The following FAM117B variants were observed in gnomAD, a reference collection of about 807,000 sequenced individuals.
FAM117B encodes the protein family with sequence similarity 117 member B.
FAM117B carries 22 observed loss-of-function variants against 52.8 expected under a neutral mutation model. The ratio of observed to expected loss-of-function variants is 0.42; its 90% confidence interval spans 0.30 to 0.59. FAM117B has a LOEUF of 0.59. Among genes scored for constraint, FAM117B ranks in the 20% least tolerant of loss-of-function variants. The pLI is 0.22. For synonymous variants in FAM117B, 309 were observed against 324.1 expected (o/e 0.95, Z 0.50); for missense variants, 678 against 802.6 (o/e 0.84, Z 1.88).
chr2:202,651,351 G>A (rs747979968), intron 1 of FAM117B, among the ~76,000 whole-genome samples: 51 of 148,300 alleles, frequency 3.4e-4, no homozygotes, highest in Non-Finnish European at 4.2e-4. Context: ...GTGAGCCACC[G>A]CTCCGGGCCC....
intron 1 of FAM117B, among the ~76,000 whole-genome samples, chr2:202,684,014 A>G (rs927926350): frequency 6.6e-6 from 1 of 151,968 alleles, no homozygotes; most frequent in Non-Finnish European, 1.5e-5. Context: ...TCACAGGCAC[A>G]CGCTACCACA....
At chr2:202,762,147 A>G (rs933808098) in intron 7 of FAM117B, among the ~76,000 whole-genome samples, 2 of 152,206 alleles carry the variant, frequency 1.3e-5, no homozygotes, top group South Asian at 2.1e-4. Flanking sequence ...GTTGGTCCCA[A>G]TGTAACATTT....
At chr2:202,748,504 G>A (rs1691669931) in intron 4 of FAM117B, among the ~76,000 whole-genome samples, 1 of 151,978 alleles carries the variant, frequency 6.6e-6, no homozygotes, top group Non-Finnish European at 1.5e-5. Context: ...TTGAATGGAG[G>A]AAAATATTTG....
At chr2:202,657,096 TA>T (rs1364933711) in intron 1 of FAM117B, among the ~76,000 whole-genome samples, 1 of 152,176 alleles carries the variant, frequency 6.6e-6, no homozygotes, top group African/African-American at 2.4e-5. Flanking sequence ...TTATTTTATT[TA>T]TTTTTTTTGA....
intron 1 of FAM117B, among the ~76,000 whole-genome samples, chr2:202,663,004 ATTT>A (rs1690153328): frequency 6.6e-6 from 1 of 152,342 alleles, no homozygotes; most frequent in Admixed American, 6.5e-5. Context: ...AGAAATAACT[ATTT>A]TTAGCTTCAG....
At chr2:202,697,535 T>A (rs560379936) in intron 2 of FAM117B, among the ~76,000 whole-genome samples, 33 of 148,776 alleles carry the variant, frequency 2.2e-4, no homozygotes, top group African/African-American at 8.1e-4. Flanking sequence ...TTTTTGAAGA[T>A]TTTTTTTTTC....
rs1387979231 is a variant in FAM117B, at chr2:202,714,537, T to C, written c.754-10380T>C. Among the ~76,000 whole-genome samples the C allele has an allele frequency of 2.8e-4, 41 of 145,992 alleles. No individual in the cohort carries two copies. In the South Asian group the frequency reaches 4.8e-3, roughly 17 times the overall value. On this transcript the variant is annotated intron_variant, in intron 2 of 7. Coordinates refer to ENST00000392238, the MANE Select transcript of FAM117B (RefSeq NM_173511.4). ...GTTGTTATATCTTTTTTTTTTCTTT[T>C]TTTTTTTTTTTTTATTGATCATTCT...
intron 1 of FAM117B, among the ~76,000 whole-genome samples, chr2:202,651,910 G>A (rs1032781488): frequency 5.9e-5 from 9 of 151,740 alleles, no homozygotes; most frequent in Admixed American, 1.3e-4. Context: ...AAAATTAGCC[G>A]GGCGTGGTGA....
chr2:202,635,441 C>G lies in FAM117B; in HGVS notation c.254C>G (p.Pro85Arg). ...GCAGGCGGCGGCGGCGGCGGTGGCC[C>G]GCGCACCGCCTCGCGCAGCACCAGC... Reference protein sequence around the residue: ...GPAGGGGGGGPRTASRSTSPT... With the variant: ...GPAGGGGGGGRRTASRSTSPT... Residue 85 changes from proline (P) to arginine (R), a missense_variant, in exon 1 of 8, where the codon CCG becomes CGG. Around this residue, in one of 3 missense-constraint regions of FAM117B, gnomAD observed 583 missense variants for 644.8 expected, o/e 0.90. Transcript: ENST00000392238. 1.7e-6 allele frequency: 2 copies of G among 1,201,214 alleles called. No individual in the cohort carries two copies. The highest frequency in any genetic ancestry group is 2.1e-6 in the Non-Finnish European group (2 of 972,844). The allele number at this position is 1,201,214 out of a possible 1,614,324, so 74.4% of individuals were successfully genotyped here. A position where few individuals can be genotyped will look rare whatever the true frequency, so the allele number is the denominator to read the frequency against.
chr2:202,658,834 C>A lies in FAM117B; in HGVS notation c.601+23046C>A, dbSNP rs532250571. Among the ~76,000 whole-genome samples, 9 of 152,042 alleles carry A rather than the reference C, an allele frequency of 5.9e-5. No individual in the cohort carries two copies. The East Asian group carries it at 1.5e-3, about 26-fold the overall frequency. ...TTTTAGTAGTTTGATTATTTATGGGCATACATTTATCCTGTTCGTGTTCAC... is the reference window on the plus strand; with the variant it reads ...TTTTAGTAGTTTGATTATTTATGGGAATACATTTATCCTGTTCGTGTTCAC... On this transcript the variant is annotated intron_variant, in intron 1 of 7. Transcript: ENST00000392238.
intron 4 of FAM117B, among the ~76,000 whole-genome samples, chr2:202,747,604 G>A (rs776607738): frequency 1.3e-5 from 2 of 151,998 alleles, no homozygotes; most frequent in Non-Finnish European, 1.5e-5. Context: ...ATTTACTAAA[G>A]TCGCTGGATA....
chr2:202,646,348 G>A (rs917212419), intron 1 of FAM117B, among the ~76,000 whole-genome samples: 1 of 152,198 alleles, frequency 6.6e-6, no homozygotes, highest in Admixed American at 6.5e-5. Flanking sequence ...TTAAAATGCT[G>A]ATTAAATGTT....
intron 2 of FAM117B, among the ~76,000 whole-genome samples, chr2:202,720,538 TA>T (rs1206858519): frequency 4.6e-5 from 7 of 151,890 alleles, no homozygotes; most frequent in African/African-American, 1.7e-4. Context: ...TTAGGTCACC[TA>T]AAAAAATTAA....
chr2:202,688,988 G>A (rs1271492473), intron 1 of FAM117B, among the ~76,000 whole-genome samples: 8 of 152,174 alleles, frequency 5.3e-5, no homozygotes, highest in Non-Finnish European at 2.9e-5. Context: ...ATAGTGATGT[G>A]TTGTAGATTT....
chr2:202,703,504 A>C (rs1449681868), intron 2 of FAM117B, among the ~76,000 whole-genome samples: 1 of 151,942 alleles, frequency 6.6e-6, no homozygotes, highest in Admixed American at 6.6e-5. Flanking sequence ...ATGGGCTTGC[A>C]CCACTATGCC....
At chr2:202,756,445 A>T (rs1306045921) in intron 5 of FAM117B, among the ~76,000 whole-genome samples, 2 of 152,196 alleles carry the variant, frequency 1.3e-5, no homozygotes, top group Non-Finnish European at 2.9e-5. Context: ...AAAACAGAAA[A>T]ATTAACTGTT....
chr2:202,731,030 C>T (rs1307665009), intron 4 of FAM117B, among the ~76,000 whole-genome samples: 1 of 152,064 alleles, frequency 6.6e-6, no homozygotes, highest in Non-Finnish European at 1.5e-5. Context: ...ATAAAGAACT[C>T]TTGCAACTCA....
chr2:202,711,869 C>G (rs1417380760), intron 2 of FAM117B, among the ~76,000 whole-genome samples: 1 of 152,028 alleles, frequency 6.6e-6, no homozygotes, highest in Non-Finnish European at 1.5e-5. Context: ...ATGGATTTAT[C>G]TCTGGATTCT....
intron 1 of FAM117B, among the ~76,000 whole-genome samples, chr2:202,664,926 G>A (rs897665921): frequency 6.6e-5 from 10 of 152,116 alleles, no homozygotes; most frequent in Admixed American, 2.0e-4. Context: ...AAGTTGGGGC[G>A]GGGAGGAGGC....
Sources: allele counts gnomAD v4.1 joint callset (sites outside exome capture counted in the v4.1 genomes callset), GRCh38; gene constraint gnomAD v4.1.1; regional missense constraint gnomAD v4.1.1; transcripts MANE v1.5; gene names NCBI Gene and HGNC (gene_info 2026-07-23, HGNC 2026-07-21).